The following SLC9A4 variants were observed in gnomAD, a reference collection of about 807,000 sequenced individuals.
SLC9A4 encodes the protein solute carrier family 9 member A4.
In SLC9A4, 63 loss-of-function variants were observed where a neutral mutation model predicts 67.4. That is an observed-to-expected ratio of 0.93 (90% confidence interval 0.76 to 1.15). SLC9A4 has a LOEUF of 1.15. Ranked by LOEUF, SLC9A4 falls within the 50% of genes most tolerant of loss-of-function variation. The pLI, the probability that SLC9A4 is intolerant of heterozygous loss-of-function variation, is 0.00. For missense variants in SLC9A4, 1,089 were observed against 987.7 expected, an observed-to-expected ratio of 1.10 and a Z score of -1.38; for synonymous variants, 393 against 367.2, an observed-to-expected ratio of 1.07 and a Z score of -0.80.
chr2:102,481,177 T>C (rs1684453897), intron 2 of SLC9A4, among the ~76,000 whole-genome samples: 1 of 152,204 alleles, frequency 6.6e-6, no homozygotes, highest in African/African-American at 2.4e-5. Context: ...TTGCCAAATA[T>C]CGTGGCATTA....
rs538286430 is a variant in SLC9A4 at position 102,508,221 on chromosome 2, T to C, written c.1341T>C (p.Pro447=). 22 of 1,614,202 alleles carry C rather than the reference T, an allele frequency of 1.4e-5. No homozygotes were observed. The African/African-American group carries it at 2.7e-4, about 20-fold the overall frequency. The part of the protein sequence containing the change: ...LAFLLPLSLF[P]RKKMFVTATL... ...TTTTGCTTCCTCTGTCTCTTTTTCC[T>C]AGGAAGAAAATGTTTGTCACTGCTA... Residue 447 remains proline, a synonymous_variant, in exon 5 of 12, where the codon CCT becomes CCC. Transcript: ENST00000295269.
Position 102,519,929 on chromosome 2 carries a change from T to G in SLC9A4, c.1792T>G (p.Ser598Ala). The change falls in exon 9 of 12, where the codon TCC becomes GCC. Residue 598 changes from serine (S) to alanine (A), a missense_variant. Physicochemically the swap from Ser to Ala is moderately conservative, Grantham distance 99. Coordinates refer to ENST00000295269, the MANE Select transcript of SLC9A4 (RefSeq NM_001011552.4). ...GGAGTCCATAAGGGACATTCTGACA[T>G]CCAACATGTACCAAGTTCGGCAAAG... ...DVESIRDILT[S>A]NMYQVRQRTL... is the part of the protein sequence containing the mutation. 1 of 1,613,688 alleles carries G rather than the reference T, an allele frequency of 6.2e-7. No individual in the cohort carries two copies. Among genetic ancestry groups the G allele is most frequent in the Non-Finnish European group, 8.5e-7 (1 of 1,179,684 alleles).
Position 102,512,240 on chromosome 2 carries a change from G to A in SLC9A4, c.1526G>A (p.Cys509Tyr), listed in dbSNP as rs1311305258. 1.2e-6 allele frequency: 2 copies of A among 1,614,126 alleles called. No individual in the cohort carries two copies. Among genetic ancestry groups the A allele is most frequent in the Admixed American group, 3.3e-5 (2 of 60,020 alleles). ...TTAAAGGCTGGAATCGAAGATGTGTGTGGGCACTGGAGTCACTACCAAGTG... is the reference window on the plus strand; with the variant it reads ...TTAAAGGCTGGAATCGAAGATGTGTATGGGCACTGGAGTCACTACCAAGTG... The part of the protein sequence containing the change: ...DHLKAGIEDV[C>Y]GHWSHYQVRD... Residue 509 changes from cysteine to tyrosine, a missense_variant, in exon 7 of 12, where the codon TGT becomes TAT. Coordinates refer to ENST00000295269, the MANE Select transcript of SLC9A4 (RefSeq NM_001011552.4).
intron 10 of SLC9A4, among the ~76,000 whole-genome samples, chr2:102,525,750 A>G (rs1388423963): frequency 6.6e-6 from 1 of 152,092 alleles, no homozygotes; most frequent in Non-Finnish European, 1.5e-5. Context: ...AAGGTTGCTA[A>G]TGGTCTATTT....
rs1685087239 is a variant in SLC9A4 at position 102,508,139 on chromosome 2, A to G, written c.1259A>G (p.Asp420Gly). The change falls in exon 5 of 12, where the codon GAC (aspartate) becomes GGC (glycine). Residue 420 changes from aspartate (D) to glycine (G), a missense_variant. Transcript: ENST00000295269. ...QFRTFPFSIK[D>G]QCIIFYSGVR... Reference sequence around the variant, plus strand: ...CGGACTTTCCCCTTCTCCATCAAGGACCAGTGCATCATTTTCTACAGTGGT... The same window carrying G: ...CGGACTTTCCCCTTCTCCATCAAGGGCCAGTGCATCATTTTCTACAGTGGT... 1.9e-6 allele frequency: 3 copies of G among 1,614,066 alleles called. No homozygotes were observed. Among genetic ancestry groups the G allele is most frequent in the Admixed American group, 1.7e-5 (1 of 60,002 alleles).
chr2:102,491,226 G>C (rs569955444), intron 2 of SLC9A4, among the ~76,000 whole-genome samples: 38 of 151,066 alleles, frequency 2.5e-4, no homozygotes, highest in African/African-American at 9.0e-4. Context: ...TGTCATTTCG[G>C]AGCCTCATCA....
At chr2:102,487,610 G>T (rs1235661812) in intron 2 of SLC9A4, among the ~76,000 whole-genome samples, 1 of 152,098 alleles carries the variant, frequency 6.6e-6, no homozygotes, top group African/African-American at 2.4e-5. Flanking sequence ...TTTTCTTCTG[G>T]CTAAATAAAC....
In SLC9A4 at chr2:102,479,147, G is replaced by T; in HGVS notation, c.565G>T (p.Gly189Cys). The stretch of plus-strand genomic sequence containing the variant: ...CTGCCAGGTGAAGGCCTTTGGCCTG[G>T]GCGACGTCAACCTGCTGCAGAACCT... The part of the protein sequence containing the change: ...LICQVKAFGL[G>C]DVNLLQNLLF... The change falls in exon 2 of 12, where the codon GGC (glycine) becomes TGC (cysteine). Residue 189 changes from glycine (G) to cysteine (C), a missense_variant. Coordinates refer to ENST00000295269, the MANE Select transcript of SLC9A4 (RefSeq NM_001011552.4). 1.2e-6 allele frequency: 2 copies of T among 1,614,140 alleles called. No homozygotes were observed. The highest frequency in any genetic ancestry group is 1.6e-4 in the Middle Eastern group (1 of 6,062).
chr2:102,508,890 A>C lies in SLC9A4; in HGVS notation c.1445A>C (p.Lys482Thr), dbSNP rs781760624. 1 of 1,613,302 alleles carries C rather than the reference A, an allele frequency of 6.2e-7. No homozygotes were observed. The highest frequency in any genetic ancestry group is 2.2e-5 in the East Asian group (1 of 44,834). Residue 482 changes from lysine to threonine, a missense_variant, in exon 6 of 12, where the codon AAA becomes ACA. Transcript: ENST00000295269. The part of the protein sequence containing the change: ...GPLVRYLDVK[K>T]TNKKESINEE... ...CTGGTCAGGTACCTGGATGTTAAAA[A>C]AACCAATAAAAAAGAATCCATCAAT...
At chr2:102,504,649 G>C (rs1231206194) in intron 3 of SLC9A4, among the ~76,000 whole-genome samples, 2 of 152,114 alleles carry the variant, frequency 1.3e-5, no homozygotes, top group Admixed American at 6.5e-5. Context: ...TTTTATTGTA[G>C]AGAAATACCT....
intron 2 of SLC9A4, among the ~76,000 whole-genome samples, 196 bp downstream of exon 2, chr2:102,479,498 C>G (rs1164639901): frequency 3.9e-5 from 6 of 152,178 alleles, no homozygotes; most frequent in African/African-American, 1.4e-4. Flanking sequence ...TTCACTCACA[C>G]TGCTTGTCAT....
chr2:102,481,433 T>C (rs1320280637), intron 2 of SLC9A4, among the ~76,000 whole-genome samples: 1 of 152,230 alleles, frequency 6.6e-6, no homozygotes, highest in African/African-American at 2.4e-5. Flanking sequence ...TCACATGCTG[T>C]ACATTGAAAG....
At chr2:102,500,473 T>C (rs1684907207) in intron 2 of SLC9A4, among the ~76,000 whole-genome samples, 1 of 152,128 alleles carries the variant, frequency 6.6e-6, no homozygotes, top group Non-Finnish European at 1.5e-5. Flanking sequence ...CAGAGCCTTA[T>C]TGTAGAGGTG....
At position 102,505,310 on chromosome 2, in the gene SLC9A4, C is replaced by T; in HGVS notation, c.1037C>T (p.Thr346Ile). The part of the protein sequence containing the change: ...KKYVEENVSQ[T>I]SYTTIKYFMK... The stretch of plus-strand genomic sequence containing the variant: ...TACGTGGAAGAAAACGTGTCCCAGA[C>T]ATCATACACGACCATCAAGTACTTC... The change falls in exon 4 of 12, where the codon ACA becomes ATA. Residue 346 changes from threonine to isoleucine, a missense_variant. Coordinates refer to ENST00000295269, the MANE Select transcript of SLC9A4 (RefSeq NM_001011552.4). The T allele has an allele frequency of 1.2e-6, 2 of 1,614,186 alleles. No homozygotes were observed. Among genetic ancestry groups the T allele is most frequent in the Non-Finnish European group, 1.7e-6 (2 of 1,180,030 alleles).
chr2:102,486,417 C>T (rs1684590419), intron 2 of SLC9A4, among the ~76,000 whole-genome samples: 1 of 152,232 alleles, frequency 6.6e-6, no homozygotes, highest in Non-Finnish European at 1.5e-5. Context: ...CTAATGATGC[C>T]ACATCTTCGT....
chr2:102,477,281 T>C (rs1684355189), intron 1 of SLC9A4, among the ~76,000 whole-genome samples: 1 of 152,198 alleles, frequency 6.6e-6, no homozygotes, highest in South Asian at 2.1e-4. Flanking sequence ...CATTTCTTCC[T>C]CTCTTATTTC....
chr2:102,486,123 GTAGTAAAGCA>G (rs1218934122), intron 2 of SLC9A4, among the ~76,000 whole-genome samples: 3 of 152,148 alleles, frequency 2.0e-5, no homozygotes, highest in Admixed American at 1.3e-4. Flanking sequence ...TATTCAAAAA[GTAGTAAAGCA>G]TAGCCAAGAA....
intron 11 of SLC9A4, among the ~76,000 whole-genome samples, chr2:102,528,338 G>T (rs1291827826): frequency 6.6e-6 from 1 of 151,648 alleles, no homozygotes; most frequent in Admixed American, 6.6e-5. Flanking sequence ...CCATCTTCCT[G>T]GTACAAATAA....
At chr2:102,521,400 C>T (rs138798906) in intron 9 of SLC9A4, among the ~76,000 whole-genome samples, 40 of 152,268 alleles carry the variant, frequency 2.6e-4, no homozygotes, top group Non-Finnish European at 5.1e-4. Context: ...TCATTGCCCT[C>T]GAATTAAAGC....
Sources: allele counts gnomAD v4.1 joint callset (sites outside exome capture counted in the v4.1 genomes callset), GRCh38; gene constraint gnomAD v4.1.1; transcripts MANE v1.5; gene names NCBI Gene and HGNC (gene_info 2026-07-23, HGNC 2026-07-21).